The following TENM2 variants were observed in gnomAD, a reference collection of about 807,000 sequenced individuals.
The protein encoded by TENM2 is teneurin transmembrane protein 2.
A neutral mutation model predicts 245.2 loss-of-function variants in TENM2; 52 were observed. The observed-to-expected ratio is 0.21, with a 90% confidence interval of 0.17 to 0.27. TENM2 has a LOEUF of 0.27. Ranked by LOEUF, TENM2 falls within the 10% of genes least tolerant of loss-of-function variation. TENM2 has a pLI of 1.00. For missense variants in TENM2, 3,046 were observed against 3,666.8 expected, an observed-to-expected ratio of 0.83 and a Z score of 4.37; for synonymous variants, 1,363 against 1,438.9, an observed-to-expected ratio of 0.95 and a Z score of 1.19.
rs11952284 is a variant in TENM2, at chr5:167,819,217, T to G, written c.503-56769T>G. ...AGAGTGGGACTTCCCCTGTCCGGGC[T>G]CTTTTCTACTGACCTGCACTGTGTT... On this transcript the variant is annotated intron_variant, in intron 2 of 28. Coordinates refer to ENST00000518659, the Ensembl canonical transcript of TENM2. Among the ~76,000 whole-genome samples the G allele has an allele frequency of 1.3e-3, 204 of 152,286 alleles. 1 individual carries two copies. The highest frequency in any genetic ancestry group is 4.8e-3 in the African/African-American group (199 of 41,566).
chr5:168,020,283 A>C (rs923016069), intron 5 of TENM2, among the ~76,000 whole-genome samples: 6 of 152,202 alleles, frequency 3.9e-5, no homozygotes, highest in African/African-American at 1.4e-4. Flanking sequence ...CCCATTCTCC[A>C]GAGATAAGAA....
chr5:167,705,332 A>G (rs750443659), intron 2 of TENM2, among the ~76,000 whole-genome samples: 1 of 152,192 alleles, frequency 6.6e-6, no homozygotes, highest in Non-Finnish European at 1.5e-5. Flanking sequence ...CAAAATAATT[A>G]TCAAGATCTT....
At chr5:167,345,050 G>C (rs1218436211) in intron 1 of TENM2, among the ~76,000 whole-genome samples, 1 of 152,170 alleles carries the variant, frequency 6.6e-6, no homozygotes, top group Non-Finnish European at 1.5e-5. Context: ...TTGCGTTGCT[G>C]ATTAGAATTT....
At chr5:167,468,545 G>T (rs1032260771) in intron 2 of TENM2, among the ~76,000 whole-genome samples, 1 of 152,236 alleles carries the variant, frequency 6.6e-6, no homozygotes, top group African/African-American at 2.4e-5. Flanking sequence ...GTGCCTATGA[G>T]GGCATCATTA....
chr5:167,646,200 CATATAT>C (rs61476810), intron 2 of TENM2, among the ~76,000 whole-genome samples: 2,441 of 63,392 alleles, frequency 0.039, 172 homozygotes, highest in African/African-American at 0.12. Context: ...ATGTTGTTTT[CATATAT>C]ATATATATAT....
the TENM2 span, among the ~76,000 whole-genome samples, chr5:166,984,576 T>C: frequency 6.6e-6 from 1 of 152,120 alleles, no homozygotes; most frequent in Non-Finnish European, 1.5e-5. Context: ...ATAAGCTGCT[T>C]GCTATATTTG....
chr5:167,958,074 GT>G (rs1426111763), intron 4 of TENM2, among the ~76,000 whole-genome samples: 3 of 152,172 alleles, frequency 2.0e-5, no homozygotes, highest in African/African-American at 7.2e-5. Flanking sequence ...ACAGTGAGGT[GT>G]TAAAGTCACC....
intron 7 of TENM2, among the ~76,000 whole-genome samples, chr5:168,082,593 T>C (rs1233700436): frequency 3.9e-5 from 6 of 152,196 alleles, no homozygotes; most frequent in African/African-American, 1.4e-4. Flanking sequence ...GATGGTGACA[T>C]GCAGATGGGG....
the TENM2 span, among the ~76,000 whole-genome samples, chr5:167,095,048 C>G: frequency 3.3e-5 from 5 of 152,128 alleles, no homozygotes; most frequent in Non-Finnish European, 5.9e-5. Flanking sequence ...ATTATGTACT[C>G]TAATTCACAG....
the TENM2 span, among the ~76,000 whole-genome samples, chr5:167,268,936 A>T: frequency 6.0e-5 from 9 of 149,558 alleles, no homozygotes; most frequent in South Asian, 2.1e-4. Context: ...ATAGACAGAC[A>T]TTTTTTTTTT....
At chr5:167,623,955 C>T (rs1778340832) in intron 2 of TENM2, among the ~76,000 whole-genome samples, 1 of 152,110 alleles carries the variant, frequency 6.6e-6, no homozygotes, top group African/African-American at 2.4e-5. Context: ...AAAGAGAACT[C>T]TTATACGCTG....
the TENM2 span, among the ~76,000 whole-genome samples, chr5:167,276,037 C>T: frequency 6.6e-6 from 1 of 151,976 alleles, no homozygotes; most frequent in Admixed American, 6.6e-5. Flanking sequence ...CTTGCATCCT[C>T]AGAATAAATC....
At chr5:167,979,596 A>G (rs1344641383) in intron 4 of TENM2, among the ~76,000 whole-genome samples, 2 of 152,184 alleles carry the variant, frequency 1.3e-5, no homozygotes, top group Non-Finnish European at 2.9e-5. Context: ...ATCCCTATAG[A>G]AACTCTTAGA....
At chr5:168,227,947 G>A (rs1764382130) in exon 25 of TENM2, 1 of 1,613,628 alleles carries the variant, frequency 6.2e-7, no homozygotes, top group African/African-American at 1.3e-5. Context: ...TGAGGGTGAT[G>A]TATGCTAATG....
rs201021580 is a variant in TENM2 at position 167,350,626 on chromosome 5, G to GAT, written c.227-24561_227-24560dup. Among the ~76,000 whole-genome samples, 380 of 48,478 alleles carry GAT rather than the reference G, an allele frequency of 7.8e-3. 3 individuals carry two copies. The highest frequency in any genetic ancestry group is 0.016 in the Non-Finnish European group (313 of 20,172). 31.8% of individuals were successfully genotyped at this position (48,478 alleles called of 152,430 possible). On this transcript the variant is annotated intron_variant, in intron 1 of 28. Transcript: ENST00000518659. ...TATATATATATGGGATACATATGTGGATATATATATATGGGATACGTATAT... is the reference window on the plus strand; with the variant it reads ...TATATATATATGGGATACATATGTGGATATATATATATATGGGATACGTATAT...
At chr5:168,113,249 G>A (rs1794822701) in intron 9 of TENM2, among the ~76,000 whole-genome samples, 1 of 152,128 alleles carries the variant, frequency 6.6e-6, no homozygotes, top group South Asian at 2.1e-4. Flanking sequence ...GAGTCAGGGA[G>A]GTAGAGTCTG....
intron 2 of TENM2, among the ~76,000 whole-genome samples, chr5:167,814,332 T>G (rs1766868596): frequency 6.6e-6 from 1 of 152,074 alleles, no homozygotes; most frequent in Non-Finnish European, 1.5e-5. Context: ...CTCTGAGTTT[T>G]CTAGCTGGGC....
rs537653833 is a variant in TENM2 at position 168,200,339 on chromosome 5, C to G, written c.3430+208C>G. 3.9e-5 allele frequency among the ~76,000 whole-genome samples: 6 copies of G among 152,254 alleles called. No homozygotes were observed. The South Asian group carries it at 6.2e-4, about 16-fold the overall frequency. ...AAATACAAGTGAAACAAAGAAATAT[C>G]AAGCAAGATAGGTGCTAATAAGAAA... On this transcript the variant is annotated intron_variant, in intron 17 of 28. Coordinates refer to ENST00000518659, the Ensembl canonical transcript of TENM2.
At chr5:167,435,394 A>T (rs1281235133) in intron 2 of TENM2, among the ~76,000 whole-genome samples, 5 of 152,146 alleles carry the variant, frequency 3.3e-5, no homozygotes, top group African/African-American at 1.2e-4. Context: ...TTTAACAAGG[A>T]GAAACCCGTT....
Sources: gnomAD v4.1 joint callset for allele counts (sites outside exome capture counted in the v4.1 genomes callset) on GRCh38, gnomAD v4.1.1 for gene constraint, MANE v1.5 for transcripts, NCBI Gene and HGNC (gene_info 2026-07-23, HGNC 2026-07-21) for gene names.